The following TOP2B variants were observed in gnomAD, a reference collection of about 807,000 sequenced individuals.
TOP2B encodes the protein DNA topoisomerase 2-beta.
A neutral mutation model predicts 193.5 loss-of-function variants in TOP2B; 51 were observed. That is an observed-to-expected ratio of 0.26 (90% CI 0.21 to 0.33). The LOEUF is 0.33. Among genes scored for constraint, TOP2B ranks in the 10% least tolerant of loss-of-function variants. The pLI, the probability that TOP2B is intolerant of heterozygous loss-of-function variation, is 1.00. For synonymous variants in TOP2B, 634 were observed against 635.7 expected (o/e 1.00, Z 0.04); for missense variants, 1,378 against 1,909.3 (o/e 0.72, Z 5.19).
At chr3:25,660,376 T>G (rs114202349) in intron 1 of TOP2B, among the ~76,000 whole-genome samples, 1 of 152,212 alleles carries the variant, frequency 6.6e-6, no homozygotes, top group African/African-American at 2.4e-5. Flanking sequence ...AAAGTTATCA[T>G]GCATGAAAGT....
chr3:25,662,030 G>T (rs1703929778), intron 1 of TOP2B, among the ~76,000 whole-genome samples: 1 of 152,158 alleles, frequency 6.6e-6, no homozygotes, highest in Non-Finnish European at 1.5e-5. Context: ...AAATTAATTT[G>T]CTTTTACCCC....
At chr3:25,609,128 T>C in intron 30 of TOP2B, 55 bp downstream of exon 30, 5 of 1,424,582 alleles carry the variant, frequency 3.5e-6, no homozygotes, top group Non-Finnish European at 3.8e-6. Context: ...ATACTAACAA[T>C]ACCAACGTAT....
chr3:25,601,604 C>T (rs550106628), intron 33 of TOP2B, among the ~76,000 whole-genome samples: 1 of 152,052 alleles, frequency 6.6e-6, no homozygotes, highest in East Asian at 1.9e-4. Context: ...AAGAGCAAAA[C>T]TCTATCTTCA....
At chr3:25,623,852 G>T in intron 20 of TOP2B, 106 bp from the exon 21 acceptor site, 1 of 724,560 alleles carries the variant, frequency 1.4e-6, no homozygotes, top group Non-Finnish European at 2.2e-6. Context: ...CTTTTGAAGA[G>T]AATGCATTTT....
intron 1 of TOP2B, among the ~76,000 whole-genome samples, chr3:25,654,999 A>G (rs1254059269): frequency 1.3e-5 from 2 of 152,238 alleles, no homozygotes; most frequent in Non-Finnish European, 2.9e-5. Context: ...GGATTTGGCA[A>G]TGATTTCATG....
At position 25,598,466 on chromosome 3, in the gene TOP2B, CTTCTTCGG is replaced by C; in HGVS notation, c.4714_4721del (p.Pro1572AspfsTer4). 1 of 1,576,424 alleles carries C rather than the reference CTTCTTCGG, an allele frequency of 6.3e-7. No individual in the cohort carries two copies. Among genetic ancestry groups the C allele is most frequent in the Non-Finnish European group, 8.6e-7 (1 of 1,167,208 alleles). Reference sequence around the variant, plus strand: ...CATCTGAATCCTGATCAAAAGATGTCTTCTTCGGTTTCTAGATTTTTTTTCAATAGATT... The same window carrying C: ...CATCTGAATCCTGATCAAAAGATGTCTTTCTAGATTTTTTTTCAATAGATT... On this transcript the variant is annotated frameshift_variant, in exon 36 of 36. Transcript: ENST00000264331. LOFTEE classifies it high-confidence loss of function.
intron 4 of TOP2B, among the ~76,000 whole-genome samples, chr3:25,641,639 A>G (rs1373700666): frequency 6.6e-6 from 1 of 152,130 alleles, no homozygotes; most frequent in Non-Finnish European, 1.5e-5. Flanking sequence ...GTTTTATTAT[A>G]CTACTAATCT....
chr3:25,606,152 G>A (rs1702232121), intron 31 of TOP2B, 30 bp from the exon 32 acceptor site: 1 of 1,081,312 alleles, frequency 9.2e-7, no homozygotes, highest in Admixed American at 2.7e-5. Flanking sequence ...CACCACAGAG[G>A]ATACAATTTA....
At chr3:25,649,533 T>G (rs1703518548) in intron 1 of TOP2B, among the ~76,000 whole-genome samples, 1 of 151,472 alleles carries the variant, frequency 6.6e-6, no homozygotes. Flanking sequence ...GAGCTTCTGT[T>G]AGATTACTAG....
At chr3:25,646,828 GAATTT>G (rs1372436351) in intron 1 of TOP2B, among the ~76,000 whole-genome samples, 1 of 151,926 alleles carries the variant, frequency 6.6e-6, no homozygotes. Context: ...ACGAAGATAA[GAATTT>G]AATATATCCT....
intron 30 of TOP2B, among the ~76,000 whole-genome samples, chr3:25,608,932 C>T (rs1273974858): frequency 6.6e-6 from 1 of 152,028 alleles, no homozygotes; most frequent in African/African-American, 2.4e-5. Flanking sequence ...TTTTCCCAAA[C>T]ATCTTAAAAC....
Position 25,624,281 on chromosome 3 carries a change from A to G in TOP2B, c.2495+16T>C. 2 of 1,613,316 alleles carry G rather than the reference A, an allele frequency of 1.2e-6. No individual in the cohort carries two copies. The highest frequency in any genetic ancestry group is 1.7e-6 in the Non-Finnish European group (2 of 1,179,558). On this transcript the variant is annotated intron_variant, in intron 20 of 35. Transcript: ENST00000264331. ...ATCAAATCAAACTTTATACCATTAT[A>G]TCAGCAAATATTTACCTTAACATTG...
At chr3:25,643,435 AGAG>A (rs1439648134) in intron 3 of TOP2B, among the ~76,000 whole-genome samples, 1 of 152,228 alleles carries the variant, frequency 6.6e-6, no homozygotes, top group African/African-American at 2.4e-5. Context: ...GACTACACAT[AGAG>A]GAGTACAGAC....
chr3:25,653,341 G>T (rs1214284236), intron 1 of TOP2B, among the ~76,000 whole-genome samples: 1 of 151,760 alleles, frequency 6.6e-6, no homozygotes, highest in South Asian at 2.1e-4. Context: ...AACAATACCC[G>T]TGATAAAGAC....
chr3:25,610,705 G>A (rs1204687985), intron 28 of TOP2B, among the ~76,000 whole-genome samples: 1 of 152,172 alleles, frequency 6.6e-6, no homozygotes, highest in Non-Finnish European at 1.5e-5. Flanking sequence ...AGATTTTTAA[G>A]CCTAACAATC....
chr3:25,604,689 A>T, intron 33 of TOP2B, 71 bp downstream of exon 33: 1 of 1,272,950 alleles, frequency 7.9e-7, no homozygotes, highest in South Asian at 1.3e-5. Context: ...ATAGTTTCAA[A>T]TTAAATTACA....
intron 33 of TOP2B, among the ~76,000 whole-genome samples, chr3:25,602,494 T>C (rs1274484576): frequency 7.4e-6 from 1 of 134,818 alleles, no homozygotes; most frequent in Admixed American, 7.4e-5. Flanking sequence ...CTGTAGACTT[T>C]GTTTAAAAAA....
chr3:25,659,067 G>A (rs1163230146), intron 1 of TOP2B, among the ~76,000 whole-genome samples: 1 of 152,108 alleles, frequency 6.6e-6, no homozygotes, highest in Admixed American at 6.6e-5. Flanking sequence ...AGTGGGGGCT[G>A]GCAGCCTAGC....
intron 1 of TOP2B, among the ~76,000 whole-genome samples, chr3:25,657,921 C>G (rs902097107): frequency 6.9e-6 from 1 of 144,544 alleles, no homozygotes; most frequent in Non-Finnish European, 1.5e-5. Context: ...ATTAGCCGGG[C>G]GTAGTGGCGG....
Sources: allele counts gnomAD v4.1 joint callset (sites outside exome capture counted in the v4.1 genomes callset), GRCh38; gene constraint gnomAD v4.1.1; transcripts MANE v1.5; gene names NCBI Gene and HGNC (gene_info 2026-07-23, HGNC 2026-07-21).